The following CTIF variants were observed in gnomAD, a reference collection of about 807,000 sequenced individuals.
CTIF encodes cap binding complex dependent translation initiation factor, also known as CBP80/20-dependent translation initiation factor.
In CTIF, 21 loss-of-function variants were observed where a neutral mutation model predicts 66.0. The ratio of observed to expected loss-of-function variants is 0.32; its 90% CI spans 0.23 to 0.46. The LOEUF is 0.46. CTIF is among the 20% of genes least tolerant of loss of function. The pLI is 1.00. For synonymous variants in CTIF, 345 were observed against 326.4 expected, an observed-to-expected ratio of 1.06 and a Z score of -0.62; for missense variants, 739 against 812.7, an observed-to-expected ratio of 0.91 and a Z score of 1.10.
At chr18:48,669,798 TA>T (rs2091496119) in intron 5 of CTIF, among the ~76,000 whole-genome samples, 9 of 53,576 alleles carry the variant, frequency 1.7e-4, no homozygotes, top group African/African-American at 8.6e-4. Flanking sequence ...AACATTTATA[TA>T]TATATATATA....
At chr18:48,569,106 AG>A (rs1362639317) in intron 1 of CTIF, among the ~76,000 whole-genome samples, 1 of 152,218 alleles carries the variant, frequency 6.6e-6, no homozygotes, top group Non-Finnish European at 1.5e-5. Context: ...AAACTGAATT[AG>A]GGTCCACTGA....
chr18:48,810,995 A>G (rs996631016), intron 9 of CTIF, among the ~76,000 whole-genome samples: 3 of 151,960 alleles, frequency 2.0e-5, no homozygotes, highest in Non-Finnish European at 4.4e-5. Flanking sequence ...TTAAAGGCAT[A>G]CTTTCATTTT....
intron 10 of CTIF, among the ~76,000 whole-genome samples, chr18:48,830,325 A>C (rs1447358366): frequency 6.6e-6 from 1 of 152,058 alleles, no homozygotes; most frequent in Non-Finnish European, 1.5e-5. Flanking sequence ...CACCACACCC[A>C]GCTAATTTTA....
At chr18:48,643,214 G>C (rs2144687996) in intron 3 of CTIF, among the ~76,000 whole-genome samples, 1 of 152,300 alleles carries the variant, frequency 6.6e-6, no homozygotes, top group Non-Finnish European at 1.5e-5. Flanking sequence ...AAATCAACTT[G>C]TAAAAGGCAG....
In CTIF at chr18:48,860,752, C is replaced by G. The variant is rs906840397; in HGVS notation, c.*1193C>G. 1.3e-5 allele frequency: 2 copies of G among 152,302 alleles called. No homozygotes were observed. The highest frequency in any genetic ancestry group is 2.9e-5 in the Non-Finnish European group (2 of 68,074). 9.4% of individuals were successfully genotyped at this position (152,302 alleles called of 1,614,324 possible). A position where few individuals can be genotyped will look rare whatever the true frequency, so the allele number is the denominator to read the frequency against. ...AGCTCGGACGTAGAAGCCCAGCCCT[C>G]CGTGAGCTCTTGGGAAAGGGGTGAA... is the stretch of plus-strand genomic sequence containing the variant. On this transcript the variant is annotated 3_prime_UTR_variant, in exon 12 of 12. Transcript: ENST00000256413.
chr18:48,631,359 G>C (rs2090709666), intron 2 of CTIF, among the ~76,000 whole-genome samples: 2 of 152,108 alleles, frequency 1.3e-5, no homozygotes, highest in African/African-American at 4.8e-5. Flanking sequence ...CCAGCTACTT[G>C]GGAGGCTGAG....
At chr18:48,756,676 G>A (rs1249732514) in intron 7 of CTIF, among the ~76,000 whole-genome samples, 1 of 152,200 alleles carries the variant, frequency 6.6e-6, no homozygotes, top group African/African-American at 2.4e-5. Flanking sequence ...AAAACACCCT[G>A]AGGGTAAAAT....
At chr18:48,562,000 A>G (rs1319830942) in intron 1 of CTIF, among the ~76,000 whole-genome samples, 1 of 152,258 alleles carries the variant, frequency 6.6e-6, no homozygotes, top group East Asian at 1.9e-4. Context: ...TACAAAAAAA[A>G]GAACATATGG....
At chr18:48,677,014 C>T (rs773705095) in intron 6 of CTIF, among the ~76,000 whole-genome samples, 74 of 152,032 alleles carry the variant, frequency 4.9e-4, no homozygotes, top group Non-Finnish European at 8.8e-4. Context: ...GCCGGGGCCG[C>T]GGCTGGGGCT....
intron 7 of CTIF, among the ~76,000 whole-genome samples, chr18:48,732,142 C>A (rs2092462128): frequency 6.6e-6 from 1 of 152,212 alleles, no homozygotes; most frequent in African/African-American, 2.4e-5. Context: ...GGCCGCCGGG[C>A]TCACATGCCT....
intron 6 of CTIF, among the ~76,000 whole-genome samples, chr18:48,709,687 A>G (rs941299885): frequency 6.6e-6 from 1 of 152,180 alleles, no homozygotes; most frequent in Non-Finnish European, 1.5e-5. Context: ...GCCAGCCCAG[A>G]GCCTAGTCAG....
chr18:48,684,760 G>A (rs2091807737), intron 6 of CTIF, among the ~76,000 whole-genome samples: 1 of 151,956 alleles, frequency 6.6e-6, no homozygotes, highest in African/African-American at 2.4e-5. Flanking sequence ...TACCATACTC[G>A]CTTTATCATT....
At chr18:48,753,495 G>C (rs1908035281) in intron 7 of CTIF, among the ~76,000 whole-genome samples, 1 of 151,980 alleles carries the variant, frequency 6.6e-6, no homozygotes, top group African/African-American at 2.4e-5. Context: ...TTGTATAAAA[G>C]AGAGCAGTCT....
intron 9 of CTIF, among the ~76,000 whole-genome samples, chr18:48,797,745 G>A (rs550532811): frequency 3.4e-4 from 51 of 152,222 alleles, no homozygotes; most frequent in Non-Finnish European, 2.6e-4. Context: ...TCCTCCCTGG[G>A]TTTCTCTCCT....
chr18:48,632,801 CT>C (rs2090743769), intron 2 of CTIF, among the ~76,000 whole-genome samples: 1 of 152,162 alleles, frequency 6.6e-6, no homozygotes, highest in African/African-American at 2.4e-5. Context: ...CCCCACCCCC[CT>C]CTCATTGCTG....
At position 48,599,386 on chromosome 18, in the gene CTIF, A is replaced by T. The variant is rs2090049580; in HGVS notation, c.-28-20152A>T. On this transcript the variant is annotated intron_variant, in intron 1 of 11. Coordinates refer to ENST00000256413, the MANE Select transcript of CTIF (RefSeq NM_014772.3). The stretch of plus-strand genomic sequence containing the variant: ...AATCTCATTTTGGGGAGATAAAAAG[A>T]AAATACAGAAACAGCAAAAGGAGAA... 2.0e-5 allele frequency among the ~76,000 whole-genome samples: 3 copies of T among 152,134 alleles called. No individual in the cohort carries two copies. In the South Asian group the frequency reaches 6.2e-4, roughly 32 times the overall value.
intron 10 of CTIF, among the ~76,000 whole-genome samples, chr18:48,839,199 C>G (rs1044133593): frequency 6.6e-6 from 1 of 152,190 alleles, no homozygotes; most frequent in African/African-American, 2.4e-5. Context: ...TGGCTCACCC[C>G]TCCTGTTCTC....
At chr18:48,644,635 T>C (rs2090992799) in intron 3 of CTIF, among the ~76,000 whole-genome samples, 1 of 152,216 alleles carries the variant, frequency 6.6e-6, no homozygotes, top group African/African-American at 2.4e-5. Context: ...TCAGCAGCCA[T>C]GCATTGGGTG....
At chr18:48,571,410 C>G (rs1024656473) in intron 1 of CTIF, among the ~76,000 whole-genome samples, 1 of 152,332 alleles carries the variant, frequency 6.6e-6, no homozygotes, top group South Asian at 2.1e-4. Flanking sequence ...CCCTCCTCGG[C>G]CTCCCAAAGT....
Sources: allele counts gnomAD v4.1 joint callset (sites outside exome capture counted in the v4.1 genomes callset), GRCh38; gene constraint gnomAD v4.1.1; transcripts MANE v1.5; gene names NCBI Gene and HGNC (gene_info 2026-07-23, HGNC 2026-07-21).